The following GRN variants were observed in gnomAD, a reference collection of about 807,000 sequenced individuals.
GRN encodes the protein granulin precursor.
GRN carries 30 observed loss-of-function variants against 66.7 expected under a neutral mutation model. That is an observed-to-expected ratio of 0.45 (90% CI 0.34 to 0.61). GRN has a LOEUF of 0.61. Among genes scored for constraint, GRN ranks in the 20% least tolerant of loss-of-function variants. The pLI is 0.01. For missense variants in GRN, 731 were observed against 803.5 expected, an observed-to-expected ratio of 0.91 and a Z score of 1.09; for synonymous variants, 327 against 311.1, an observed-to-expected ratio of 1.05 and a Z score of -0.54.
chr17:44,351,990 A>G (rs1555611335), intron 10 of GRN, 25 bp from the exon 11 acceptor site: 2 of 1,585,646 alleles, frequency 1.3e-6, no homozygotes, highest in Non-Finnish European at 1.7e-6. Context: ...GCTACCTACA[A>G]CGCCCTTTCC....
In GRN at chr17:44,350,674, G is replaced by C; in HGVS notation, c.599-17G>C. 6.2e-7 allele frequency: 1 copy of C among 1,612,804 alleles called. No individual in the cohort carries two copies. The highest frequency in any genetic ancestry group is 8.5e-7 in the Non-Finnish European group (1 of 1,178,830). On this transcript the variant is annotated splice_polypyrimidine_tract_variant and intron_variant, in intron 6 of 12. Coordinates refer to ENST00000053867, the MANE Select transcript of GRN (RefSeq NM_002087.4). ...TTCCTCCATCCTGGCTGCCCCTCAC[G>C]TTTGCTCCTCTTCCAGTGGCCTTGT...
At chr17:44,350,029 C>G in intron 4 of GRN, 199 bp from the exon 5 acceptor site, 1 of 666,530 alleles carries the variant, frequency 1.5e-6, no homozygotes, top group Non-Finnish European at 2.7e-6. Flanking sequence ...GGTGCCCCTT[C>G]CCCATGCCAT....
chr17:44,352,692 G>A lies in GRN; in HGVS notation c.1676G>A (p.Cys559Tyr). 1 of 1,610,372 alleles carries A rather than the reference G, an allele frequency of 6.2e-7. No individual in the cohort carries two copies. Among genetic ancestry groups the A allele is most frequent in the Non-Finnish European group, 8.5e-7 (1 of 1,180,012 alleles). ...GVCCADRRHC[C>Y]PAGFRCAARG... ...TGTTGTGCTGATCGGCGCCACTGCT[G>A]TCCTGCTGGCTTCCGCTGCGCAGCC... Residue 559 changes from cysteine to tyrosine, a missense_variant, in exon 13 of 13, where the codon TGT becomes TAT. Coordinates refer to ENST00000053867, the MANE Select transcript of GRN (RefSeq NM_002087.4).
At position 44,352,754 on chromosome 17, in the gene GRN, T is replaced by A; in HGVS notation, c.1738T>A (p.Trp580Arg). The change falls in exon 13 of 13, where the codon TGG becomes AGG. Residue 580 changes from tryptophan (W) to arginine (R), a missense_variant. Physicochemically the swap from Trp to Arg is moderately radical, Grantham distance 101 (BLOSUM62 -3). This residue lies in a region of GRN where 319 missense variants were observed against 347.2 expected (regional missense o/e 0.92). Transcript: ENST00000053867. ...GTGTTTGCGCAGGGAGGCCCCGCGC[T>A]GGGACGCCCCTTTGAGGGACCCAGC... ...TKCLRREAPR[W>R]DAPLRDPALR... 1 of 1,611,836 alleles carries A rather than the reference T, an allele frequency of 6.2e-7. No homozygotes were observed. Among genetic ancestry groups the A allele is most frequent in the East Asian group, 2.2e-5 (1 of 44,882 alleles).
Position 44,351,692 on chromosome 17 carries a change from C to G in GRN, c.1076C>G (p.Ala359Gly), listed in dbSNP as rs371073236. The G allele has an allele frequency of 6.2e-7, 1 of 1,613,866 alleles. No individual in the cohort carries two copies. Among genetic ancestry groups the G allele is most frequent in the Non-Finnish European group, 8.5e-7 (1 of 1,179,988 alleles). ...CACCTCAGCCTGCCAGACCCACAAGCCTTGAAGAGAGATGTCCCCTGTGAT... is the reference window on the plus strand; with the variant it reads ...CACCTCAGCCTGCCAGACCCACAAGGCTTGAAGAGAGATGTCCCCTGTGAT... ...PAHLSLPDPQ[A>G]LKRDVPCDNV... Residue 359 changes from alanine to glycine, a missense_variant, in exon 10 of 13, where the codon GCC becomes GGC. By Grantham distance (60) the Ala-to-Gly change is moderately conservative (BLOSUM62 0). Transcript: ENST00000053867.
At position 44,352,360 on chromosome 17, in the gene GRN, G is replaced by C; in HGVS notation, c.1433G>C (p.Arg478Pro). 6.2e-7 allele frequency: 1 copy of C among 1,612,982 alleles called. No individual in the cohort carries two copies. Among genetic ancestry groups the C allele is most frequent in the South Asian group, 1.1e-5 (1 of 91,074 alleles). The change falls in exon 12 of 13, where the codon CGC becomes CCC. Residue 478 changes from arginine (R) to proline (P), a missense_variant. By Grantham distance (103) the Arg-to-Pro change is moderately radical (BLOSUM62 -2). Coordinates refer to ENST00000053867, the MANE Select transcript of GRN (RefSeq NM_002087.4). The stretch of plus-strand genomic sequence containing the variant: ...CGCCAGGCTGTGTGCTGCGAGGATC[G>C]CCAGCACTGCTGCCCGGCTGGCTAC... ...QLPHAVCCED[R>P]QHCCPAGYTC...
At position 44,352,237 on chromosome 17, in the gene GRN, C is replaced by T. The variant is rs63749908; in HGVS notation, c.1402C>T (p.Gln468Ter). ...CCTGGGTGGGAGCTGGGCCTGCTGC[C>T]AGTTGCCCCATGTGAGTGCCTCCCT... ...PSLGGSWACC[Q>*]LPHAVCCEDR... Residue 468 changes from glutamine (Q) to a stop codon, truncating the protein, a stop_gained, in exon 11 of 13, where the codon CAG (glutamine) becomes TAG (stop). Coordinates refer to ENST00000053867, the MANE Select transcript of GRN (RefSeq NM_002087.4). LOFTEE classifies it high-confidence loss of function. 3 of 1,611,812 alleles carry T rather than the reference C, an allele frequency of 1.9e-6. No homozygotes were observed. Among genetic ancestry groups the T allele is most frequent in the Non-Finnish European group, 2.5e-6 (3 of 1,179,304 alleles).
chr17:44,351,206 C>T, intron 8 of GRN, 43 bp downstream of exon 8: 1 of 1,612,116 alleles, frequency 6.2e-7, no homozygotes, highest in South Asian at 1.1e-5. Context: ...GGCCCCCTTT[C>T]CTCCCTTTTA....
At position 44,351,118 on chromosome 17, in the gene GRN, G is replaced by C. The variant is rs754558857; in HGVS notation, c.790G>C (p.Glu264Gln). ...GATCCAGAGTAAGTGCCTCTCCAAG[G>C]AGAACGCTACCACGGACCTCCTCAC... ...DLIQSKCLSK[E>Q]NATTDLLTKL... Residue 264 changes from glutamate to glutamine, a missense_variant, in exon 8 of 13, where the codon GAG (glutamate) becomes CAG (glutamine). Physicochemically the swap from Glu to Gln is conservative, Grantham distance 29. Coordinates refer to ENST00000053867, the MANE Select transcript of GRN (RefSeq NM_002087.4). The C allele has an allele frequency of 6.2e-7, 1 of 1,614,126 alleles. No individual in the cohort carries two copies. Among genetic ancestry groups the C allele is most frequent in the Non-Finnish European group, 8.5e-7 (1 of 1,179,994 alleles).
Position 44,352,489 on chromosome 17 carries a change from G to A in GRN, c.1562G>A (p.Cys521Tyr), listed in dbSNP as rs553119528. The change falls in exon 12 of 13, where the codon TGT becomes TAT. Residue 521 changes from cysteine (C) to tyrosine (Y), a missense_variant. Coordinates refer to ENST00000053867, the MANE Select transcript of GRN (RefSeq NM_002087.4). ...SPHVGVKDVECGEGHFCHDNQ... is the reference protein window; with the variant it reads ...SPHVGVKDVEYGEGHFCHDNQ... ...CACGTGGGTGTGAAGGACGTGGAGT[G>A]TGGGGAAGGACACTTCTGCCATGAT... The A allele has an allele frequency of 4.1e-5, 66 of 1,614,106 alleles. 1 individual carries two copies. The highest frequency in any genetic ancestry group is 2.5e-4 in the Admixed American group (15 of 60,030).
At chr17:44,349,776 G>A (rs2048354815) in intron 4 of GRN, 25 bp downstream of exon 4, 4 of 1,490,754 alleles carry the variant, frequency 2.7e-6, no homozygotes, top group Admixed American at 1.7e-5. Flanking sequence ...TGGGTGCAGG[G>A]CAGGCAGACG....
rs2048375610 is a variant in GRN, at chr17:44,351,656, A to G, written c.1040A>G (p.Lys347Arg). ...QGPHQVPWME[K>R]APAHLSLPDP... ...CCCCACCAGGTGCCCTGGATGGAGA[A>G]GGCCCCAGCTCACCTCAGCCTGCCA... Residue 347 changes from lysine to arginine, a missense_variant, in exon 10 of 13, where the codon AAG (lysine) becomes AGG (arginine). Coordinates refer to ENST00000053867, the MANE Select transcript of GRN (RefSeq NM_002087.4). 6.2e-7 allele frequency: 1 copy of G among 1,614,060 alleles called. No individual in the cohort carries two copies. The highest frequency in any genetic ancestry group is 2.2e-5 in the East Asian group (1 of 44,874).
At position 44,352,280 on chromosome 17, in the gene GRN, G is replaced by A. The variant is rs759865303; in HGVS notation, c.1413+32G>A. The A allele has an allele frequency of 4.6e-5, 74 of 1,602,276 alleles. 3 individuals are homozygous for A. In the South Asian group the frequency reaches 7.7e-4, roughly 17 times the overall value. On this transcript the variant is annotated intron_variant, in intron 11 of 12. Coordinates refer to ENST00000053867, the MANE Select transcript of GRN (RefSeq NM_002087.4). Reference sequence around the variant, plus strand: ...GCCTCCCTGCCTGCCCCTGGATAGGGGAGCTAAGCCCAGTGAGGGGACAGG... The same window carrying A: ...GCCTCCCTGCCTGCCCCTGGATAGGAGAGCTAAGCCCAGTGAGGGGACAGG...
intron 1 of GRN, among the ~76,000 whole-genome samples, chr17:44,346,833 C>T (rs920829942): frequency 1.3e-5 from 2 of 152,096 alleles, no homozygotes; most frequent in East Asian, 1.9e-4. Context: ...AATGACATGT[C>T]GGCTGGGCGT....
rs1339672875 is a variant in GRN, at chr17:44,352,438, C to T, written c.1511C>T (p.Pro504Leu). 1.9e-6 allele frequency: 3 copies of T among 1,614,128 alleles called. No individual in the cohort carries two copies. The highest frequency in any genetic ancestry group is 2.5e-6 in the Non-Finnish European group (3 of 1,180,002). The change falls in exon 12 of 13, where the codon CCT becomes CTT. Residue 504 changes from proline to leucine, a missense_variant. By Grantham distance (98) the Pro-to-Leu change is moderately conservative. Around this residue, in one of 3 missense-constraint regions of GRN, gnomAD observed 319 missense variants for 347.2 expected, o/e 0.92. Coordinates refer to ENST00000053867, the MANE Select transcript of GRN (RefSeq NM_002087.4). ...GAGAAGGAAGTGGTCTCTGCCCAGCCTGCCACCTTCCTGGCCCGTAGCCCT... is the reference window on the plus strand; with the variant it reads ...GAGAAGGAAGTGGTCTCTGCCCAGCTTGCCACCTTCCTGGCCCGTAGCCCT... Reference protein sequence around the residue: ...SCEKEVVSAQPATFLARSPHV... With the variant: ...SCEKEVVSAQLATFLARSPHV...
Position 44,353,045 on chromosome 17 carries a change from T to A in GRN, c.*247T>A. 1 of 595,250 alleles carries A rather than the reference T, an allele frequency of 1.7e-6. No homozygotes were observed. Among genetic ancestry groups the A allele is most frequent in the Non-Finnish European group, 3.0e-6 (1 of 333,352 alleles). The allele number at this position is 595,250 out of a possible 1,614,324, so 36.9% of individuals were successfully genotyped here. A position where few individuals can be genotyped will look rare whatever the true frequency, so the allele number is the denominator to read the frequency against. ...CCCTGTGGCCAGGTGCTTTTCCCTATCCACAGGGGTGTTTGTGTGTGTGCG... is the reference window on the plus strand; with the variant it reads ...CCCTGTGGCCAGGTGCTTTTCCCTAACCACAGGGGTGTTTGTGTGTGTGCG... On this transcript the variant is annotated 3_prime_UTR_variant, in exon 13 of 13. Coordinates refer to ENST00000053867, the MANE Select transcript of GRN (RefSeq NM_002087.4).
At position 44,351,365 on chromosome 17, in the gene GRN, G is replaced by A; in HGVS notation, c.838G>A (p.Gly280Arg). 1 of 1,610,170 alleles carries A rather than the reference G, an allele frequency of 6.2e-7. No homozygotes were observed. The highest frequency in any genetic ancestry group is 8.5e-7 in the Non-Finnish European group (1 of 1,176,362). Reference protein sequence around the residue: ...LLTKLPAHTVGDVKCDMEVSC... With the variant: ...LLTKLPAHTVRDVKCDMEVSC... ...TGTCCTCTCTGCTTCCCTCACAGTG[G>A]GGGATGTGAAATGTGACATGGAGGT... is the stretch of plus-strand genomic sequence containing the variant. Residue 280 changes from glycine to arginine, a missense_variant and splice_region_variant, in exon 9 of 13, where the codon GGG (glycine) becomes AGG (arginine). Around this residue, in one of 3 missense-constraint regions of GRN, gnomAD observed 370 missense variants for 379.8 expected, o/e 0.97. Coordinates refer to ENST00000053867, the MANE Select transcript of GRN (RefSeq NM_002087.4).
At position 44,352,707 on chromosome 17, in the gene GRN, G is replaced by T. The variant is rs971443926; in HGVS notation, c.1691G>T (p.Arg564Leu). 1.9e-6 allele frequency: 3 copies of T among 1,610,554 alleles called. No individual in the cohort carries two copies. The highest frequency in any genetic ancestry group is 2.7e-5 in the African/African-American group (2 of 74,944). ...DRRHCCPAGF[R>L]CAARGTKCLR... ...CGCCACTGCTGTCCTGCTGGCTTCCGCTGCGCAGCCAGGGGTACCAAGTGT... is the reference window on the plus strand; with the variant it reads ...CGCCACTGCTGTCCTGCTGGCTTCCTCTGCGCAGCCAGGGGTACCAAGTGT... The change falls in exon 13 of 13, where the codon CGC (arginine) becomes CTC (leucine). Residue 564 changes from arginine to leucine, a missense_variant. Around this residue, in one of 3 missense-constraint regions of GRN, gnomAD observed 319 missense variants for 347.2 expected, o/e 0.92. Coordinates refer to ENST00000053867, the MANE Select transcript of GRN (RefSeq NM_002087.4).
intron 1 of GRN, chr17:44,345,611 T>C (rs1359961122): frequency 2.6e-5 from 4 of 152,458 alleles, no homozygotes; most frequent in Admixed American, 2.6e-4. Flanking sequence ...TGTCGGTAGG[T>C]GCTGGCTTCT....
Sources: gnomAD v4.1 joint callset for allele counts (sites outside exome capture counted in the v4.1 genomes callset) on GRCh38, gnomAD v4.1.1 for gene constraint, gnomAD v4.1.1 regional missense constraint, MANE v1.5 for transcripts, NCBI Gene and HGNC (gene_info 2026-07-23, HGNC 2026-07-21) for gene names.